Variants in GLIS3 observed in about 807,000 individuals in gnomAD.
The protein encoded by GLIS3 is GLIS family zinc finger 3, also known as zinc finger protein GLIS3.
A neutral mutation model predicts 78.6 loss-of-function variants in GLIS3; 53 were observed. The observed-to-expected ratio is 0.67, with a 90% CI of 0.54 to 0.85. GLIS3 has a LOEUF of 0.85. GLIS3 is among the 40% of genes least tolerant of loss of function. GLIS3 has a pLI of 0.00. For synonymous variants in GLIS3, 684 were observed against 509.9 expected, an observed-to-expected ratio of 1.34 and a Z score of -4.60; for missense variants, 1,703 against 1,231.1, an observed-to-expected ratio of 1.38 and a Z score of -5.74.
At chr9:3,855,898 TAA>T in intron 9 of GLIS3, 109 bp downstream of exon 9, 1 of 1,198,232 alleles carries the variant, frequency 8.3e-7, no homozygotes. Context: ...CATGAAAGCC[TAA>T]GCCTGGTGTA....
intron 2 of GLIS3, among the ~76,000 whole-genome samples, chr9:4,128,434 A>C (rs1444607312): frequency 6.6e-6 from 1 of 152,194 alleles, no homozygotes; most frequent in Non-Finnish European, 1.5e-5. Context: ...CTTCCTTAGC[A>C]CCTAACCTAG....
chr9:4,010,956 G>A (rs1305622371), intron 4 of GLIS3, among the ~76,000 whole-genome samples: 1 of 152,166 alleles, frequency 6.6e-6, no homozygotes, highest in Non-Finnish European at 1.5e-5. Context: ...TGTACTTAGA[G>A]TAGAACATTT....
intron 4 of GLIS3, among the ~76,000 whole-genome samples, chr9:4,056,836 C>T (rs538366974): frequency 2.7e-5 from 4 of 149,512 alleles, no homozygotes; most frequent in East Asian, 3.9e-4. Context: ...CAAAAGCAGC[C>T]GACTAATTGC....
chr9:3,836,723 G>C (rs1320478041), intron 9 of GLIS3, among the ~76,000 whole-genome samples: 2 of 152,182 alleles, frequency 1.3e-5, no homozygotes, highest in Non-Finnish European at 2.9e-5. Flanking sequence ...GACCCAGCAA[G>C]ACGAGAGCCA....
At chr9:4,477,857 TG>T in the GLIS3 span, among the ~76,000 whole-genome samples, 2 of 152,148 alleles carry the variant, frequency 1.3e-5, no homozygotes, top group Non-Finnish European at 2.9e-5. Flanking sequence ...AAAATTAAAA[TG>T]GTAAAATTCA....
intron 4 of GLIS3, among the ~76,000 whole-genome samples, chr9:4,057,000 A>C (rs1826208149): frequency 6.8e-6 from 1 of 147,740 alleles, no homozygotes; most frequent in Admixed American, 7.0e-5. Context: ...CCCTAGAATT[A>C]TCTAGTGCAT....
At chr9:4,303,834 TAACA>T (rs984090347), upstream of GLIS3, among the ~76,000 whole-genome samples, 1 of 152,238 alleles carries the variant, frequency 6.6e-6, no homozygotes, top group Non-Finnish European at 1.5e-5. Context: ...GAGCTTACCA[TAACA>T]AACATAAATT....
chr9:4,090,156 T>C (rs956446), intron 4 of GLIS3, among the ~76,000 whole-genome samples: 112,378 of 151,902 alleles, frequency 0.74, 41,942 homozygotes, highest in East Asian at 0.92. Flanking sequence ...TTAGGCAGAG[T>C]TGTGACACAG....
chr9:4,464,323 G>C, the GLIS3 span, among the ~76,000 whole-genome samples: 1 of 151,108 alleles, frequency 6.6e-6, no homozygotes, highest in South Asian at 2.1e-4. Context: ...TTGACAAGCA[G>C]TATTGATTTC....
At position 4,218,756 on chromosome 9, in the gene GLIS3, A is replaced by T. The variant is rs369983050; in HGVS notation, c.388+67282T>A. On this transcript the variant is annotated intron_variant, in intron 2 of 10. Transcript: ENST00000381971. ...TAGCCACATGTGGCTAATGGCTACC[A>T]TATTGGACTGCCAACTCTCAGTCAT... 5.4e-4 allele frequency among the ~76,000 whole-genome samples: 82 copies of T among 152,346 alleles called. 4 individuals are homozygous for T. The East Asian group carries it at 0.011, about 21-fold the overall frequency.
the GLIS3 span, among the ~76,000 whole-genome samples, chr9:4,387,678 C>T: frequency 8.5e-5 from 13 of 152,332 alleles, no homozygotes; most frequent in Middle Eastern, 6.8e-3. Flanking sequence ...AGGTAGTTCA[C>T]TCATTTGACT....
chr9:3,884,487 A>AAATC (rs1821942108), intron 7 of GLIS3, among the ~76,000 whole-genome samples: 1 of 152,208 alleles, frequency 6.6e-6, no homozygotes, highest in Admixed American at 6.5e-5. Context: ...ATGTGCAAAT[A>AAATC]AATCATCAAG....
intron 4 of GLIS3, among the ~76,000 whole-genome samples, chr9:3,996,145 A>C (rs905346666): frequency 8.5e-5 from 13 of 152,196 alleles, no homozygotes; most frequent in Non-Finnish European, 1.9e-4. Flanking sequence ...ACTGTCTATC[A>C]AAATTGCATG....
intron 4 of GLIS3, among the ~76,000 whole-genome samples, chr9:4,045,502 ATT>A (rs71497514): frequency 3.7e-4 from 52 of 142,328 alleles, no homozygotes; most frequent in African/African-American, 9.5e-4. Flanking sequence ...CACCTGGCTA[ATT>A]TTTTTTTTTT....
chr9:4,416,254 A>T, the GLIS3 span, among the ~76,000 whole-genome samples: 517 of 56,560 alleles, frequency 9.1e-3, 1 homozygote, highest in South Asian at 0.012. Flanking sequence ...ACTGTTTTTA[A>T]AAAAAAAAAA....
intron 2 of GLIS3, among the ~76,000 whole-genome samples, chr9:4,138,682 C>G (rs919381805): frequency 3.3e-5 from 5 of 152,166 alleles, no homozygotes; most frequent in Non-Finnish European, 5.9e-5. Context: ...GGGCAAATGC[C>G]TTAAGCTCTC....
chr9:4,107,376 A>T (rs1830840397), intron 4 of GLIS3, among the ~76,000 whole-genome samples: 1 of 152,118 alleles, frequency 6.6e-6, no homozygotes, highest in South Asian at 2.1e-4. Flanking sequence ...CGAATGGGAT[A>T]AGAGAAGTCA....
the GLIS3 span, among the ~76,000 whole-genome samples, chr9:4,397,743 A>T: frequency 2.2e-5 from 3 of 137,994 alleles, no homozygotes; most frequent in Non-Finnish European, 4.6e-5. Flanking sequence ...GAAAAGAGGG[A>T]GAAAGAGGAA....
chr9:4,051,387 G>C (rs11791472), intron 4 of GLIS3, among the ~76,000 whole-genome samples: 1 of 152,120 alleles, frequency 6.6e-6, no homozygotes, highest in Admixed American at 6.5e-5. Context: ...GACTGCTGGA[G>C]ATTGCTATAG....
Sources: gnomAD v4.1 joint callset for allele counts (sites outside exome capture counted in the v4.1 genomes callset) on GRCh38, gnomAD v4.1.1 for gene constraint, MANE v1.5 for transcripts, NCBI Gene and HGNC (gene_info 2026-07-23, HGNC 2026-07-21) for gene names.